The following CALN1 variants were observed in gnomAD, a reference collection of about 807,000 sequenced individuals.
CALN1 encodes calneuron 1, also known as calcium-binding protein 8.
CALN1 carries 17 observed loss-of-function variants against 30.6 expected under a neutral mutation model. The ratio of observed to expected loss-of-function variants is 0.56; its 90% CI spans 0.38 to 0.83. The LOEUF (loss-of-function observed/expected upper bound fraction) is 0.83, where lower values mean the gene tolerates loss of function less well. Ranked by LOEUF, CALN1 falls within the 40% of genes least tolerant of loss-of-function variation. CALN1 has a pLI of 0.00. For synonymous variants in CALN1, 156 were observed against 131.4 expected, an observed-to-expected ratio of 1.19 and a Z score of -1.28; for missense variants, 291 against 354.9, an observed-to-expected ratio of 0.82 and a Z score of 1.45.
At chr7:71,793,178 C>T (rs972047586) in intron 6 of CALN1, among the ~76,000 whole-genome samples, 12 of 151,940 alleles carry the variant, frequency 7.9e-5, no homozygotes, top group South Asian at 2.1e-4. Context: ...TGGTGGCGGG[C>T]GCCTGTAATA....
Position 72,350,853 on chromosome 7 carries a change from G to T in CALN1, c.119+52398C>A, listed in dbSNP as rs756292782. Among the ~76,000 whole-genome samples the T allele has an allele frequency of 4.7e-4, 71 of 152,148 alleles. 1 individual carries two copies. Among genetic ancestry groups the T allele is most frequent in the Non-Finnish European group, 8.2e-4 (56 of 68,040 alleles). Reference sequence around the variant, plus strand: ...AGCAAAAATATCCTCTGAATTTAAAGGTGATGGCTGGGTGAGGTGGCTCAC... The same window carrying T: ...AGCAAAAATATCCTCTGAATTTAAATGTGATGGCTGGGTGAGGTGGCTCAC... On this transcript the variant is annotated intron_variant, in intron 2 of 6. Coordinates refer to ENST00000395275, the MANE Select transcript of CALN1 (RefSeq NM_031468.4).
chr7:71,935,231 G>A lies in CALN1; in HGVS notation c.501+88426C>T, dbSNP rs2129521173. 2.0e-5 allele frequency among the ~76,000 whole-genome samples: 3 copies of A among 152,292 alleles called. No individual in the cohort carries two copies. The East Asian group carries it at 5.8e-4, about 29-fold the overall frequency. ...CTGAAGACGAACTAGACAGAAGGCT[G>A]CTAACATTGGTGTGAATCTGGCAAA... On this transcript the variant is annotated intron_variant, in intron 5 of 6. Transcript: ENST00000395275.
intron 3 of CALN1, among the ~76,000 whole-genome samples, chr7:72,110,618 G>A (rs946225457): frequency 6.6e-6 from 1 of 150,664 alleles, no homozygotes; most frequent in African/African-American, 2.4e-5. Context: ...GTGAGTGTGT[G>A]TGTCTGTCTG....
At chr7:72,351,697 T>C (rs538847908) in intron 2 of CALN1, among the ~76,000 whole-genome samples, 1 of 151,686 alleles carries the variant, frequency 6.6e-6, no homozygotes, top group Non-Finnish European at 1.5e-5. Context: ...ATACAGCAAA[T>C]AAGCCAATAG....
At chr7:71,828,881 T>C (rs1388489099) in intron 5 of CALN1, among the ~76,000 whole-genome samples, 3 of 151,926 alleles carry the variant, frequency 2.0e-5, no homozygotes, top group Non-Finnish European at 4.4e-5. Context: ...CCCAAGTAGC[T>C]GGGATTACAG....
chr7:72,349,264 G>A lies in CALN1; in HGVS notation c.119+53987C>T, dbSNP rs149632055. Among the ~76,000 whole-genome samples the A allele has an allele frequency of 1.2e-3, 184 of 151,042 alleles. 1 individual carries two copies. The highest frequency in any genetic ancestry group is 4.3e-3 in the African/African-American group (175 of 41,036). ...ACCTAAAGCGAGAGAAAAAGAGAGA[G>A]ACTGTAAACACGCGTGCTTGTGTGT... is the stretch of plus-strand genomic sequence containing the variant. On this transcript the variant is annotated intron_variant, in intron 2 of 6. Coordinates refer to ENST00000395275, the MANE Select transcript of CALN1 (RefSeq NM_031468.4).
intron 5 of CALN1, among the ~76,000 whole-genome samples, chr7:71,847,597 T>C (rs1406910684): frequency 6.7e-6 from 1 of 149,846 alleles, no homozygotes; most frequent in African/African-American, 2.5e-5. Context: ...CAGAAGAATC[T>C]CTTGAACCCA....
intron 4 of CALN1, among the ~76,000 whole-genome samples, chr7:72,063,797 G>A (rs1803829445): frequency 6.6e-6 from 1 of 151,916 alleles, no homozygotes; most frequent in Admixed American, 6.6e-5. Flanking sequence ...TTGGATTTTG[G>A]GATTGTGGAT....
At chr7:72,380,028 T>C (rs918128259) in intron 2 of CALN1, among the ~76,000 whole-genome samples, 3 of 152,256 alleles carry the variant, frequency 2.0e-5, no homozygotes, top group African/African-American at 7.2e-5. Flanking sequence ...AGAAGTATTA[T>C]AAATAGGGTA....
At chr7:71,970,728 C>G (rs1346603134) in intron 5 of CALN1, among the ~76,000 whole-genome samples, 6 of 152,120 alleles carry the variant, frequency 3.9e-5, no homozygotes, top group Non-Finnish European at 7.3e-5. Flanking sequence ...GTGACATTTT[C>G]AATAAGGAGC....
At chr7:71,815,333 T>C (rs2079351) in intron 5 of CALN1, among the ~76,000 whole-genome samples, 22 of 152,132 alleles carry the variant, frequency 1.4e-4, no homozygotes, top group Admixed American at 3.3e-4. Context: ...TGCCTGTTGA[T>C]GTCACAAGCT....
At chr7:72,203,977 C>CTTTA (rs1562730815) in intron 3 of CALN1, among the ~76,000 whole-genome samples, 3 of 92,272 alleles carry the variant, frequency 3.3e-5, no homozygotes, top group Non-Finnish European at 3.6e-5. Flanking sequence ...AGAGGCCTCT[C>CTTTA]TCTTTTTTTT....
At chr7:72,119,822 A>G (rs1808252822) in intron 3 of CALN1, among the ~76,000 whole-genome samples, 1 of 152,076 alleles carries the variant, frequency 6.6e-6, no homozygotes, top group African/African-American at 2.4e-5. Context: ...TGATTCAAAT[A>G]CTTCTCACCA....
At chr7:72,111,029 C>T (rs1045739305) in intron 3 of CALN1, among the ~76,000 whole-genome samples, 1 of 152,136 alleles carries the variant, frequency 6.6e-6, no homozygotes, top group Non-Finnish European at 1.5e-5. Flanking sequence ...GTGCTTTTCA[C>T]CGAAACGTAC....
chr7:72,325,464 G>A (rs1210949410), intron 2 of CALN1, among the ~76,000 whole-genome samples: 2 of 152,092 alleles, frequency 1.3e-5, no homozygotes, highest in African/African-American at 4.8e-5. Context: ...AGCCGGGCGT[G>A]GTGGTGAGCA....
chr7:72,278,472 TACACACACACACACACACACAC>T (rs59010102), intron 3 of CALN1, among the ~76,000 whole-genome samples, 192 bp downstream of exon 3: 7 of 143,982 alleles, frequency 4.9e-5, no homozygotes, highest in African/African-American at 1.3e-4. Context: ...ATCAGGTCTG[TACACACACACACACACACACAC>T]ACACACACAC....
intron 3 of CALN1, among the ~76,000 whole-genome samples, chr7:72,148,413 A>T (rs1238526713): frequency 2.2e-5 from 2 of 91,110 alleles, no homozygotes; most frequent in Admixed American, 1.0e-4. Flanking sequence ...ACAAAAAAGT[A>T]AAAAAAAGAA....
chr7:72,375,869 C>G (rs949831931), intron 2 of CALN1, among the ~76,000 whole-genome samples: 4 of 152,138 alleles, frequency 2.6e-5, no homozygotes, highest in African/African-American at 9.7e-5. Flanking sequence ...CTATCTGATA[C>G]TAGAACATTT....
At chr7:72,196,025 G>A (rs73141578) in intron 3 of CALN1, among the ~76,000 whole-genome samples, 1 of 152,132 alleles carries the variant, frequency 6.6e-6, no homozygotes, top group Non-Finnish European at 1.5e-5. Context: ...CAAACAGAGA[G>A]AGACAGAAAG....
Sources: gnomAD v4.1 joint callset for allele counts (sites outside exome capture counted in the v4.1 genomes callset) on GRCh38, gnomAD v4.1.1 for gene constraint, MANE v1.5 for transcripts, NCBI Gene and HGNC (gene_info 2026-07-23, HGNC 2026-07-21) for gene names.